Variants in KCNIP3 observed in about 807,000 individuals in gnomAD.
The protein encoded by KCNIP3 is potassium voltage-gated channel interacting protein 3.
In KCNIP3, 28 loss-of-function variants were observed where a neutral mutation model predicts 35.0. The ratio of observed to expected loss-of-function variants is 0.80; its 90% CI spans 0.59 to 1.10. The LOEUF (loss-of-function observed/expected upper bound fraction) is 1.10, where lower values mean the gene tolerates loss of function less well. Ranked by LOEUF, KCNIP3 falls within the 50% of genes least tolerant of loss-of-function variation. The probability of loss-of-function intolerance (pLI) is 0.00; values close to 1 mark genes in which losing one functional copy is unlikely to be tolerated. For synonymous variants in KCNIP3, 134 were observed against 133.8 expected, an observed-to-expected ratio of 1.00 and a Z score of -0.01; for missense variants, 295 against 338.4, an observed-to-expected ratio of 0.87 and a Z score of 1.01.
At chr2:95,325,950 CACAT>C (rs1305508191) in intron 2 of KCNIP3, among the ~76,000 whole-genome samples, 7 of 151,616 alleles carry the variant, frequency 4.6e-5, no homozygotes, top group South Asian at 2.1e-4. Context: ...TACACACTCA[CACAT>C]ACACACACTC....
intron 2 of KCNIP3, among the ~76,000 whole-genome samples, chr2:95,368,039 G>A (rs1679959244): frequency 6.6e-6 from 1 of 152,200 alleles, no homozygotes; most frequent in Admixed American, 6.5e-5. Context: ...TGGGATTACA[G>A]GCATGAGCCA....
At chr2:95,298,923 T>C (rs567439540) in intron 1 of KCNIP3, 2 of 152,280 alleles carry the variant, frequency 1.3e-5, no homozygotes, top group African/African-American at 2.4e-5. Context: ...ACTACAGAGA[T>C]GGGAATTTCC....
chr2:95,367,914 A>G (rs1229649604), intron 2 of KCNIP3, among the ~76,000 whole-genome samples: 10 of 152,140 alleles, frequency 6.6e-5, no homozygotes, highest in Admixed American at 6.5e-5. Context: ...GGCGCCTGCC[A>G]TCACGCCTGG....
chr2:95,342,865 C>A (rs553933082), intron 2 of KCNIP3, among the ~76,000 whole-genome samples: 18 of 152,300 alleles, frequency 1.2e-4, no homozygotes, highest in Middle Eastern at 3.4e-3. Context: ...CCTCCAAAGT[C>A]ACTGCACTGA....
intron 2 of KCNIP3, among the ~76,000 whole-genome samples, chr2:95,346,210 G>A (rs955901049): frequency 6.6e-6 from 1 of 152,110 alleles, no homozygotes; most frequent in Non-Finnish European, 1.5e-5. Context: ...GGGAGTGAGG[G>A]CTTCCCGGAT....
At position 95,313,090 on chromosome 2, in the gene KCNIP3, A is replaced by T. The variant is rs1678363433; in HGVS notation, c.181+2570A>T. 3 of 152,360 alleles carry T rather than the reference A, an allele frequency of 2.0e-5. No homozygotes were observed. The South Asian group carries it at 6.2e-4, about 32-fold the overall frequency. 9.4% of individuals were successfully genotyped at this position (152,360 alleles called of 1,614,324 possible). A position where few individuals can be genotyped will look rare whatever the true frequency, so the allele number is the denominator to read the frequency against. On this transcript the variant is annotated intron_variant, in intron 2 of 8. Coordinates refer to ENST00000295225, the MANE Select transcript of KCNIP3 (RefSeq NM_013434.5). Reference sequence around the variant, plus strand: ...GTGCAGCCCCACTGTGTGCTCTGCGAGGCCCAGCACGGTGTCCTGAGCCTT... The same window carrying T: ...GTGCAGCCCCACTGTGTGCTCTGCGTGGCCCAGCACGGTGTCCTGAGCCTT...
At chr2:95,315,510 ACTCCCCCGATCCTG>A (rs2104217602) in intron 2 of KCNIP3, among the ~76,000 whole-genome samples, 1 of 151,030 alleles carries the variant, frequency 6.6e-6, no homozygotes, top group Admixed American at 6.6e-5. Flanking sequence ...CCCAGCCCTT[ACTCCCCCGATCCTG>A]CCCCTCCACC....
At chr2:95,309,388 T>G (rs1260454179) in intron 1 of KCNIP3, among the ~76,000 whole-genome samples, 4 of 150,574 alleles carry the variant, frequency 2.7e-5, no homozygotes, top group East Asian at 3.9e-4. Flanking sequence ...CCCAGGAGGT[T>G]GTTTTCTGAT....
intron 2 of KCNIP3, among the ~76,000 whole-genome samples, chr2:95,322,696 T>C (rs967040919): frequency 3.9e-5 from 6 of 152,156 alleles, no homozygotes; most frequent in African/African-American, 1.4e-4. Flanking sequence ...ATTTTCAAGG[T>C]CTAGACCAGA....
chr2:95,309,944 G>A (rs888378112), intron 1 of KCNIP3, among the ~76,000 whole-genome samples: 2 of 152,204 alleles, frequency 1.3e-5, no homozygotes, highest in African/African-American at 4.8e-5. Flanking sequence ...GGAGCCAGAC[G>A]TGGCTGTGTG....
At chr2:95,310,666 T>A in intron 2 of KCNIP3, 146 bp downstream of exon 2, 2 of 826,676 alleles carry the variant, frequency 2.4e-6, no homozygotes, top group Non-Finnish European at 4.0e-6. Flanking sequence ...TTTTCATTCA[T>A]TCACACCCTT....
In KCNIP3 at chr2:95,316,391, G is replaced by A. The variant is rs1275954214; in HGVS notation, c.181+5871G>A. Among the ~76,000 whole-genome samples, 6 of 152,342 alleles carry A rather than the reference G, an allele frequency of 3.9e-5. No individual in the cohort carries two copies. In the East Asian group the frequency reaches 9.7e-4, roughly 25 times the overall value. On this transcript the variant is annotated intron_variant, in intron 2 of 8. Coordinates refer to ENST00000295225, the MANE Select transcript of KCNIP3 (RefSeq NM_013434.5). Reference sequence around the variant, plus strand: ...CTGCAAGGGATCCCTTGGCTTGCCTGAACTTGCATATAACAGAAACCCCAA... The same window carrying A: ...CTGCAAGGGATCCCTTGGCTTGCCTAAACTTGCATATAACAGAAACCCCAA...
intron 2 of KCNIP3, among the ~76,000 whole-genome samples, chr2:95,327,365 TCACA>T (rs769379426): frequency 6.6e-5 from 10 of 152,180 alleles, no homozygotes; most frequent in South Asian, 2.1e-4. Context: ...GGATGTGCAC[TCACA>T]CACATTCACA....
intron 2 of KCNIP3, among the ~76,000 whole-genome samples, chr2:95,349,950 C>T (rs1456184926): frequency 6.6e-6 from 1 of 152,184 alleles, no homozygotes; most frequent in Non-Finnish European, 1.5e-5. Flanking sequence ...ATCTGAAGGG[C>T]TATGGTGCCT....
chr2:95,349,486 C>T (rs568265598), intron 2 of KCNIP3, among the ~76,000 whole-genome samples: 1 of 152,356 alleles, frequency 6.6e-6, no homozygotes, highest in South Asian at 2.1e-4. Flanking sequence ...GCCTTCCTCT[C>T]TGCCCTGGGT....
At chr2:95,333,094 C>T (rs1212588768) in intron 2 of KCNIP3, among the ~76,000 whole-genome samples, 1 of 152,226 alleles carries the variant, frequency 6.6e-6, no homozygotes, top group East Asian at 1.9e-4. Flanking sequence ...CTGTAGCTCC[C>T]CTACTCTGCA....
At chr2:95,328,384 C>A (rs1678844211) in intron 2 of KCNIP3, among the ~76,000 whole-genome samples, 1 of 152,254 alleles carries the variant, frequency 6.6e-6, no homozygotes. Flanking sequence ...GCCACAGTAT[C>A]CCGCTTGGGA....
At position 95,384,167 on chromosome 2, in the gene KCNIP3, GCT is replaced by G; in HGVS notation, c.*119_*120del. On this transcript the variant is annotated 3_prime_UTR_variant, in exon 9 of 9. Coordinates refer to ENST00000295225, the MANE Select transcript of KCNIP3 (RefSeq NM_013434.5). ...TAGATTTGCAAAAAGTGAACAGATTGCTACACACACACACACACACACACACA... is the reference window on the plus strand; with the variant it reads ...TAGATTTGCAAAAAGTGAACAGATTGACACACACACACACACACACACACA... 1 of 527,608 alleles carries G rather than the reference GCT, an allele frequency of 1.9e-6. No individual in the cohort carries two copies. The highest frequency in any genetic ancestry group is 3.4e-6 in the Non-Finnish European group (1 of 289,892). 32.7% of individuals were successfully genotyped at this position (527,608 alleles called of 1,614,324 possible).
intron 2 of KCNIP3, among the ~76,000 whole-genome samples, chr2:95,334,462 C>T (rs555075064): frequency 2.0e-5 from 3 of 152,192 alleles, no homozygotes; most frequent in Non-Finnish European, 4.4e-5. Flanking sequence ...AGCCTTGGAT[C>T]TCCCTACCGT....
Sources: gnomAD v4.1 joint callset for allele counts (sites outside exome capture counted in the v4.1 genomes callset) on GRCh38, gnomAD v4.1.1 for gene constraint, MANE v1.5 for transcripts, NCBI Gene and HGNC (gene_info 2026-07-23, HGNC 2026-07-21) for gene names.